ATF3: variants seen among roughly 807,000 people sequenced by gnomAD.
ATF3 encodes cyclic AMP-dependent transcription factor ATF-3.
Under a neutral mutation model 18.4 loss-of-function variants are expected in ATF3, and 10 were observed. That is an observed-to-expected ratio of 0.54 (90% CI 0.34 to 0.92). ATF3 has a LOEUF of 0.92. Ranked by LOEUF, ATF3 falls within the 40% of genes least tolerant of loss-of-function variation. The pLI, the probability that ATF3 is intolerant of heterozygous loss-of-function variation, is 0.02. For missense variants in ATF3, 183 were observed against 222.3 expected, an observed-to-expected ratio of 0.82 and a Z score of 1.12; for synonymous variants, 78 against 87.9, an observed-to-expected ratio of 0.89 and a Z score of 0.63.
At chr1:212,578,220 A>T (rs763904444) in intron 1 of ATF3, among the ~76,000 whole-genome samples, 3 of 152,176 alleles carry the variant, frequency 2.0e-5, no homozygotes, top group Non-Finnish European at 4.4e-5. Context: ...CTCAGCCATT[A>T]TGTCTTTAAA....
chr1:212,589,479 C>A (rs1187522036), intron 1 of ATF3, among the ~76,000 whole-genome samples: 2 of 151,850 alleles, frequency 1.3e-5, no homozygotes, highest in African/African-American at 4.8e-5. Context: ...CATAGAAGAA[C>A]TAAATTATAA....
chr1:212,609,437 G>C (rs1399080178), intron 1 of ATF3, among the ~76,000 whole-genome samples: 3 of 151,386 alleles, frequency 2.0e-5, no homozygotes, highest in African/African-American at 7.3e-5. Context: ...TGCCCCACGC[G>C]CCGAGAGGAA....
At chr1:212,568,278 G>T (rs939687324) in intron 1 of ATF3, among the ~76,000 whole-genome samples, 4 of 152,018 alleles carry the variant, frequency 2.6e-5, no homozygotes, top group African/African-American at 9.7e-5. Flanking sequence ...AAACAAATTG[G>T]TTATTATTTT....
At chr1:212,610,646 A>G (rs1654856701) in intron 1 of ATF3, among the ~76,000 whole-genome samples, 1 of 152,140 alleles carries the variant, frequency 6.6e-6, no homozygotes, top group African/African-American at 2.4e-5. Flanking sequence ...CCCTTTAGCC[A>G]TTATAGAATT....
At chr1:212,585,973 A>ATGTTG (rs1416478581) in intron 1 of ATF3, among the ~76,000 whole-genome samples, 1 of 152,130 alleles carries the variant, frequency 6.6e-6, no homozygotes, top group Non-Finnish European at 1.5e-5. Context: ...GACCCAGGAT[A>ATGTTG]TGTTGTGGTC....
At chr1:212,583,357 C>T (rs952423173) in intron 1 of ATF3, among the ~76,000 whole-genome samples, 11 of 152,142 alleles carry the variant, frequency 7.2e-5, no homozygotes, top group African/African-American at 1.9e-4. Flanking sequence ...TTCAGCCTCC[C>T]GAGTTTCATT....
At chr1:212,613,624 G>A (rs1654983088) in intron 1 of ATF3, 2 of 152,216 alleles carry the variant, frequency 1.3e-5, no homozygotes, top group Admixed American at 6.5e-5. Flanking sequence ...TTAAATGTTC[G>A]AGACTTGCCA....
intron 1 of ATF3, among the ~76,000 whole-genome samples, chr1:212,571,158 T>C (rs1323605894): frequency 6.6e-6 from 1 of 152,246 alleles, no homozygotes; most frequent in Non-Finnish European, 1.5e-5. Context: ...TTAGCCATTC[T>C]GTTGGGTGTG....
chr1:212,620,755 T>C lies in ATF3; in HGVS notation c.*1200T>C, dbSNP rs1440845458. 1 of 152,596 alleles carries C rather than the reference T, an allele frequency of 6.6e-6. No individual in the cohort carries two copies. The highest frequency in any genetic ancestry group is 2.4e-5 in the African/African-American group (1 of 41,438). The allele number at this position is 152,596 out of a possible 1,614,324, so 9.5% of individuals were successfully genotyped here. A position where few individuals can be genotyped will look rare whatever the true frequency, so the allele number is the denominator to read the frequency against. On this transcript the variant is annotated 3_prime_UTR_variant, in exon 4 of 4. Coordinates refer to ENST00000341491, the MANE Select transcript of ATF3 (RefSeq NM_001674.4). ...TCCTAACCTGTCAGAATAATAAATA[T>C]TGGAACCAAGACATGGTAAACATGT...
At chr1:212,582,569 T>C (rs1241992281) in intron 1 of ATF3, among the ~76,000 whole-genome samples, 1 of 152,152 alleles carries the variant, frequency 6.6e-6, no homozygotes, top group East Asian at 1.9e-4. Flanking sequence ...AGAAAGTCAG[T>C]AAAATAATGC....
At chr1:212,574,787 T>C (rs1158914044) in intron 1 of ATF3, among the ~76,000 whole-genome samples, 1 of 152,252 alleles carries the variant, frequency 6.6e-6, no homozygotes. Context: ...GCTATTTCAG[T>C]CATGTACAGA....
At chr1:212,602,046 T>C (rs1370617472) in intron 1 of ATF3, among the ~76,000 whole-genome samples, 1 of 152,114 alleles carries the variant, frequency 6.6e-6, no homozygotes, top group African/African-American at 2.4e-5. Context: ...CAGATATAAA[T>C]GAGGAAACAG....
At chr1:212,609,840 C>T (rs1654821118) in intron 1 of ATF3, among the ~76,000 whole-genome samples, 2 of 152,214 alleles carry the variant, frequency 1.3e-5, no homozygotes, top group Non-Finnish European at 2.9e-5. Context: ...TGTCGTTGGG[C>T]CTCAGTATGC....
intron 1 of ATF3, among the ~76,000 whole-genome samples, chr1:212,583,945 C>T (rs1664732008): frequency 6.6e-6 from 1 of 152,172 alleles, no homozygotes; most frequent in Admixed American, 6.5e-5. Flanking sequence ...CCTGGGCTCT[C>T]TCCCACAGAT....
chr1:212,569,160 A>T, intron 1 of ATF3, among the ~76,000 whole-genome samples: 1 of 150,688 alleles, frequency 6.6e-6, no homozygotes, highest in Non-Finnish European at 1.5e-5. Flanking sequence ...CTCTTTTCCC[A>T]TCTCTCCCTC....
intron 1 of ATF3, among the ~76,000 whole-genome samples, chr1:212,590,807 C>T (rs1027388514): frequency 1.3e-5 from 2 of 152,106 alleles, no homozygotes; most frequent in African/African-American, 2.4e-5. Context: ...ACCGAGTTAG[C>T]GTTGGATATG....
intron 1 of ATF3, among the ~76,000 whole-genome samples, chr1:212,570,236 G>A (rs1664455266): frequency 6.6e-6 from 1 of 152,010 alleles, no homozygotes; most frequent in Non-Finnish European, 1.5e-5. Context: ...AAGATTTAAA[G>A]CAATCGAATC....
At chr1:212,598,118 A>G (rs965189926) in intron 1 of ATF3, among the ~76,000 whole-genome samples, 1 of 152,234 alleles carries the variant, frequency 6.6e-6, no homozygotes, top group African/African-American at 2.4e-5. Context: ...ACACATCCGC[A>G]CTATAGAACA....
chr1:212,569,519 G>A (rs1202911824), intron 1 of ATF3, among the ~76,000 whole-genome samples: 2 of 152,222 alleles, frequency 1.3e-5, no homozygotes, highest in African/African-American at 4.8e-5. Context: ...AAAGGAGACA[G>A]TAGACAGAAG....
Sources: gnomAD v4.1 joint callset for allele counts (sites outside exome capture counted in the v4.1 genomes callset) on GRCh38, gnomAD v4.1.1 for gene constraint, MANE v1.5 for transcripts, NCBI Gene and HGNC (gene_info 2026-07-23, HGNC 2026-07-21) for gene names.